Variants in CHD5 observed in about 807,000 individuals in gnomAD.
The protein encoded by CHD5 is chromodomain helicase DNA binding protein 5, also known as ATP-dependent chromatin remodeler CHD5.
In CHD5, 69 loss-of-function variants were observed where a neutral mutation model predicts 230.3. The observed-to-expected ratio is 0.30, with a 90% CI of 0.25 to 0.37. The LOEUF is 0.37. Ranked by LOEUF, CHD5 falls within the 10% of genes least tolerant of loss-of-function variation. The pLI, the probability that CHD5 is intolerant of heterozygous loss-of-function variation, is 1.00. For missense variants in CHD5, 1,827 were observed against 2,622.8 expected, an observed-to-expected ratio of 0.70 and a Z score of 6.63; for synonymous variants, 1,064 against 1,065.9, an observed-to-expected ratio of 1.00 and a Z score of 0.03.
At position 6,134,105 on chromosome 1, in the gene CHD5, G is replaced by C; in HGVS notation, c.3144+23C>G. On this transcript the variant is annotated intron_variant, in intron 20 of 41. Coordinates refer to ENST00000262450, the MANE Select transcript of CHD5 (RefSeq NM_015557.3). The surrounding 1 kb of genome is among the most constrained non-coding windows in gnomAD (Gnocchi z 6.3). ...TCTCTGTGGGGTGTGGAGCCGGGGC[G>C]GGGGTGGGCAGGGGCAGCGCACCTG... 1 of 1,606,660 alleles carries C rather than the reference G, an allele frequency of 6.2e-7. No homozygotes were observed. Among genetic ancestry groups the C allele is most frequent in the Non-Finnish European group, 8.5e-7 (1 of 1,178,190 alleles).
chr1:6,173,108 CTTTTTTT>C (rs371953368), intron 1 of CHD5, among the ~76,000 whole-genome samples: 2 of 138,104 alleles, frequency 1.4e-5, no homozygotes, highest in Non-Finnish European at 3.2e-5. Flanking sequence ...GGCGTTATTT[CTTTTTTT>C]TTTTTTTTAG....
At position 6,126,506 on chromosome 1, in the gene CHD5, G is replaced by C. The variant is rs868796388; in HGVS notation, c.4078+66C>G. On this transcript the variant is annotated intron_variant, in intron 26 of 41. Transcript: ENST00000262450. This position sits in a 1 kb window ranked among gnomAD's most constrained non-coding sequence, Gnocchi z 5.7. ...CGGGGGTTCTGCACAGGGATGCCCT[G>C]ACAGAATCCTGCCCCACCCTCCGCC... is the stretch of plus-strand genomic sequence containing the variant. The C allele has an allele frequency of 1.5e-6, 2 of 1,357,046 alleles. No individual in the cohort carries two copies. The highest frequency in any genetic ancestry group is 2.4e-5 in the South Asian group (2 of 84,942). 84.1% of individuals were successfully genotyped at this position (1,357,046 alleles called of 1,614,324 possible). A position where few individuals can be genotyped will look rare whatever the true frequency, so the allele number is the denominator to read the frequency against.
At position 6,105,856 on chromosome 1, in the gene CHD5, T is replaced by TG. The variant is rs1237188777; in HGVS notation, c.*46+377dup. On this transcript the variant is annotated intron_variant, in intron 41 of 41. Coordinates refer to ENST00000262450, the MANE Select transcript of CHD5 (RefSeq NM_015557.3). This position sits in a 1 kb window ranked among gnomAD's most constrained non-coding sequence, Gnocchi z 4.8. ...AGTGAGGGTGTAAGACAAGATGTGA[T>TG]GTCTGCCACCAGCAGGACAGCAGGG... Among the ~76,000 whole-genome samples, 1 of 152,232 alleles carries TG rather than the reference T, an allele frequency of 6.6e-6. No individual in the cohort carries two copies. The highest frequency in any genetic ancestry group is 1.9e-4 in the East Asian group (1 of 5,196).
intron 1 of CHD5, among the ~76,000 whole-genome samples, chr1:6,177,058 A>G (rs1315023620): frequency 3.9e-5 from 6 of 152,336 alleles, no homozygotes; most frequent in Admixed American, 3.9e-4. Context: ...CACTGCTGAG[A>G]GTGAGCAACT....
At chr1:6,178,143 C>G (rs1667453414) in intron 1 of CHD5, among the ~76,000 whole-genome samples, 1 of 152,164 alleles carries the variant, frequency 6.6e-6, no homozygotes, top group Non-Finnish European at 1.5e-5. Flanking sequence ...CAGGGCGTCT[C>G]TTCTGCAGGG....
At chr1:6,136,702 G>A (rs1557548398) in intron 16 of CHD5, 26 bp downstream of exon 16, 4 of 1,610,852 alleles carry the variant, frequency 2.5e-6, no homozygotes, top group South Asian at 1.1e-5. Flanking sequence ...GGGAAGCTCT[G>A]GGGTCTGGCG....
intron 9 of CHD5, among the ~76,000 whole-genome samples, chr1:6,148,185 G>T (rs913387423): frequency 6.6e-6 from 1 of 152,316 alleles, no homozygotes; most frequent in East Asian, 1.9e-4. Flanking sequence ...GGACCTGAGG[G>T]GTGGAGGATC....
intron 18 of CHD5, 87 bp downstream of exon 18, chr1:6,135,143 C>T: frequency 6.8e-7 from 1 of 1,476,512 alleles, no homozygotes. Context: ...GGCTGAAGAG[C>T]CCTCCGCCCA....
chr1:6,153,816 G>A (rs928630361), intron 5 of CHD5, among the ~76,000 whole-genome samples: 2 of 151,234 alleles, frequency 1.3e-5, no homozygotes, highest in Admixed American at 6.6e-5. Context: ...GGGAGACAGA[G>A]TGAGAGTCTG....
At chr1:6,148,783 C>T in intron 9 of CHD5, 71 bp downstream of exon 9, 2 of 1,331,172 alleles carry the variant, frequency 1.5e-6, no homozygotes, top group Admixed American at 3.2e-5. Context: ...GAGGGCAGGC[C>T]TTCCCCTGGG....
At chr1:6,116,552 G>A (rs1383768900) in intron 33 of CHD5, among the ~76,000 whole-genome samples, 1 of 152,200 alleles carries the variant, frequency 6.6e-6, no homozygotes, top group Non-Finnish European at 1.5e-5. Flanking sequence ...TTCAATGTGA[G>A]AAAAGATAGA....
rs1246957391 is a variant in CHD5 at position 6,128,096 on chromosome 1, G to A, written c.3853C>T (p.Leu1285=). The change falls in exon 25 of 42, where the codon CTG becomes TTG. Residue 1285 remains leucine (L), a synonymous_variant. Transcript: ENST00000262450. This position sits in a 1 kb window ranked among gnomAD's most constrained non-coding sequence, Gnocchi z 7.8. ...TACTGCGCCACCTTGAAGGAGCTCA[G>A]GTACTCGTTCATGTTCTGTAGCTCC... ...DTELQNMNEY[L]SSFKVAQYVV... The A allele has an allele frequency of 6.2e-7, 1 of 1,613,772 alleles. No individual in the cohort carries two copies. The highest frequency in any genetic ancestry group is 2.2e-5 in the East Asian group (1 of 44,878).
rs575135662 is a variant in CHD5 at position 6,153,554 on chromosome 1, C to T, written c.746-1018G>A. Among the ~76,000 whole-genome samples the T allele has an allele frequency of 4.6e-5, 7 of 152,330 alleles. No individual in the cohort carries two copies. The South Asian group carries it at 8.3e-4, about 18-fold the overall frequency. On this transcript the variant is annotated intron_variant, in intron 5 of 41. Transcript: ENST00000262450. ...TCCATCAAAACCCAAATCAGCCAGA[C>T]GCGGTGGCTCACACCTGCAATCCCA...
At chr1:6,149,479 G>A (rs754084629) in intron 7 of CHD5, 67 bp from the exon 8 acceptor site, 204 of 1,501,416 alleles carry the variant, frequency 1.4e-4, no homozygotes, top group Non-Finnish European at 1.6e-4. Flanking sequence ...CAACTGCATC[G>A]CCCCAGGCCA....
intron 9 of CHD5, among the ~76,000 whole-genome samples, 194 bp downstream of exon 9, chr1:6,148,660 G>A (rs1206961894): frequency 2.0e-5 from 3 of 152,166 alleles, no homozygotes; most frequent in Non-Finnish European, 2.9e-5. Context: ...AGTCAGACGC[G>A]GAGAAGGGCG....
At chr1:6,139,409 G>C (rs1666794137) in intron 15 of CHD5, among the ~76,000 whole-genome samples, 1 of 151,942 alleles carries the variant, frequency 6.6e-6, no homozygotes, top group South Asian at 2.1e-4. Flanking sequence ...GCTAATTTTT[G>C]TATTTTTAGC....
At position 6,146,815 on chromosome 1, in the gene CHD5, G is replaced by A. The variant is rs775990202; in HGVS notation, c.1440C>T (p.Pro480=). 1.3e-6 allele frequency: 2 copies of A among 1,578,536 alleles called. No individual in the cohort carries two copies. Among genetic ancestry groups the A allele is most frequent in the South Asian group, 2.3e-5 (2 of 85,646 alleles). The change falls in exon 10 of 42, where the codon CCC becomes CCT. Residue 480 remains proline (P), a synonymous_variant. Coordinates refer to ENST00000262450, the MANE Select transcript of CHD5 (RefSeq NM_015557.3). The surrounding 1 kb of genome is among the most constrained non-coding windows in gnomAD (Gnocchi z 5.1). ...QRILHWRWTE[P]PAPFMVGLPG... ...GCAGCCCCACCATGAAGGGGGCAGG[G>A]GGCTCCGTCCACCTCCAGTGTAGAA...
intron 1 of CHD5, among the ~76,000 whole-genome samples, chr1:6,169,988 G>A (rs931656910): frequency 2.6e-5 from 4 of 152,146 alleles, no homozygotes; most frequent in African/African-American, 7.2e-5. Flanking sequence ...CGCGGAGGAC[G>A]AGAGGTCCTG....
chr1:6,148,968 C>T lies in CHD5; in HGVS notation c.1269G>A (p.Lys423=). 1 of 1,607,646 alleles carries T rather than the reference C, an allele frequency of 6.2e-7. No homozygotes were observed. Reference sequence around the variant, plus strand: ...CGCAGCAGAGCAGCTCGCCCCCGTCCTTGCACACGCGGCAGAACTCCATGT... The same window carrying T: ...CGCAGCAGAGCAGCTCGCCCCCGTCTTTGCACACGCGGCAGAACTCCATGT... The part of the protein sequence containing the change: ...DDHMEFCRVC[K]DGGELLCCDA... The change falls in exon 9 of 42, where the codon AAG becomes AAA. Residue 423 remains lysine, a synonymous_variant. Transcript: ENST00000262450.
Sources: allele counts gnomAD v4.1 joint callset (sites outside exome capture counted in the v4.1 genomes callset), GRCh38; gene constraint gnomAD v4.1.1; non-coding constraint Gnocchi (gnomAD v3.1); transcripts MANE v1.5; gene names NCBI Gene and HGNC (gene_info 2026-07-23, HGNC 2026-07-21).